Variants in WDR11 observed in about 807,000 individuals in gnomAD.
WDR11 encodes WD repeat-containing protein 11.
WDR11 carries 83 observed loss-of-function variants against 151.2 expected under a neutral mutation model. The observed-to-expected ratio is 0.55, with a 90% confidence interval of 0.46 to 0.66. WDR11 has a LOEUF of 0.66. Ranked by LOEUF, WDR11 falls within the 30% of genes least tolerant of loss-of-function variation. WDR11 has a pLI of 0.00. For missense variants in WDR11, 1,301 were observed against 1,480.9 expected (o/e 0.88, Z 1.99); for synonymous variants, 484 against 533.1 (o/e 0.91, Z 1.27).
In WDR11 at chr10:120,885,926, C is replaced by G. The variant is rs1282758688; in HGVS notation, c.1961C>G (p.Ser654Ter). 1 of 1,613,560 alleles carries G rather than the reference C, an allele frequency of 6.2e-7. No homozygotes were observed. Among genetic ancestry groups the G allele is most frequent in the Admixed American group, 1.7e-5 (1 of 59,998 alleles). Residue 654 changes from serine (S) to a stop codon, truncating the protein, a stop_gained, in exon 15 of 29, where the codon TCA (serine) becomes TGA (stop). Transcript: ENST00000263461. LOFTEE classifies it high-confidence loss of function. ...GACACAGAGCTGAGTATTGTTGAAT[C>G]ATCTGTGATCAGGTACAGTACAGTG... is the stretch of plus-strand genomic sequence containing the variant. ...VSDTELSIVE[S>*]SVISLLQEAE...
In WDR11 at chr10:120,862,828, A is replaced by G; in HGVS notation, c.620A>G (p.His207Arg). 1 of 1,613,992 alleles carries G rather than the reference A, an allele frequency of 6.2e-7. No individual in the cohort carries two copies. The highest frequency in any genetic ancestry group is 8.5e-7 in the Non-Finnish European group (1 of 1,179,966). The change falls in exon 5 of 29, where the codon CAC becomes CGC. Residue 207 changes from histidine (H) to arginine (R), a missense_variant. Transcript: ENST00000263461. ...AAAAAAGTTTACATATCCAGCCCAC[A>G]CTCTAGCCCAGCTCATAACAAGCTG... ...PGKKVYISSP[H>R]SSPAHNKLAT...
In WDR11 at chr10:120,905,958, C is replaced by G. The variant is rs1305648146; in HGVS notation, c.3374C>G (p.Ser1125Ter). ...HLCSPQVNQK[S>*]KALLVLLSLG... is the part of the protein sequence containing the mutation. ...TGTTCTCCACAAGTCAATCAGAAAT[C>G]AAAGGCTCTCCTGGTTCTCCTCTCT... The change falls in exon 27 of 29, where the codon TCA becomes TGA. Residue 1125 changes from serine to a stop codon, truncating the protein, a stop_gained. Transcript: ENST00000263461. LOFTEE classifies it high-confidence loss of function. The G allele has an allele frequency of 6.2e-7, 1 of 1,614,124 alleles. No individual in the cohort carries two copies. Among genetic ancestry groups the G allele is most frequent in the Admixed American group, 1.7e-5 (1 of 60,022 alleles).
chr10:120,878,212 G>A, intron 11 of WDR11, 141 bp from the exon 12 acceptor site: 1 of 650,820 alleles, frequency 1.5e-6, no homozygotes, highest in Non-Finnish European at 2.7e-6. Flanking sequence ...AAAAGGTCAT[G>A]TTAAGATAAA....
At chr10:120,881,683 A>T (rs989698476) in intron 13 of WDR11, among the ~76,000 whole-genome samples, 1 of 152,166 alleles carries the variant, frequency 6.6e-6, no homozygotes, top group African/African-American at 2.4e-5. Flanking sequence ...ATATTAAAAT[A>T]CAGTTAATTT....
intron 10 of WDR11, among the ~76,000 whole-genome samples, chr10:120,873,110 T>A (rs914247643): frequency 6.6e-6 from 1 of 152,328 alleles, no homozygotes; most frequent in Admixed American, 6.5e-5. Context: ...AGCTTTAGAA[T>A]AATACCTGTA....
At chr10:120,903,947 A>G in intron 23 of WDR11, 100 bp from the exon 24 acceptor site, 1 of 797,700 alleles carries the variant, frequency 1.3e-6, no homozygotes, top group South Asian at 1.6e-5. Context: ...CTGAAAAGTC[A>G]AAGTAGTTTA....
intron 12 of WDR11, chr10:120,880,386 G>A (rs540431742): frequency 1.2e-5 from 2 of 160,586 alleles, no homozygotes; most frequent in Non-Finnish European, 2.7e-5. Context: ...GGAACTGGGC[G>A]CCGTGGCTCA....
rs577265884 is a variant in WDR11, at chr10:120,889,287, G to T, written c.2228+103G>T. The T allele has an allele frequency of 8.1e-6, 7 of 866,862 alleles. No individual in the cohort carries two copies. The African/African-American group carries it at 1.0e-4, about 12-fold the overall frequency. 53.7% of individuals were successfully genotyped at this position (866,862 alleles called of 1,614,324 possible). On this transcript the variant is annotated intron_variant, in intron 17 of 28. Transcript: ENST00000263461. ...GTGTCTTGCTCTGTCGCCCAGGCTG[G>T]AGTGCAGTGGTGCAATCTCGGCTCA... is the stretch of plus-strand genomic sequence containing the variant.
Position 120,880,835 on chromosome 10 carries a change from T to C in WDR11, c.1673T>C (p.Ile558Thr). Residue 558 changes from isoleucine (I) to threonine (T), a missense_variant, in exon 13 of 29, where the codon ATT (isoleucine) becomes ACT (threonine). Physicochemically the swap from Ile to Thr is moderately conservative, Grantham distance 89. Transcript: ENST00000263461. ...QLVDLPTGRS[I>T]AFRGERGNDE... The stretch of plus-strand genomic sequence containing the variant: ...ATATTTGCAATTAAAGGTAGGAGCA[T>C]TGCTTTTCGTGGTGAAAGAGGCAAT... 1.9e-6 allele frequency: 3 copies of C among 1,603,938 alleles called. No homozygotes were observed. The highest frequency in any genetic ancestry group is 2.6e-6 in the Non-Finnish European group (3 of 1,173,542).
At chr10:120,908,408 G>T (rs1258730896) in intron 28 of WDR11, 148 bp from the exon 29 acceptor site, 1 of 798,268 alleles carries the variant, frequency 1.3e-6, no homozygotes, top group Admixed American at 1.9e-5. Flanking sequence ...AAAGTCTCCT[G>T]TGTTCATCCT....
At position 120,866,710 on chromosome 10, in the gene WDR11, G is replaced by A. The variant is rs770830577; in HGVS notation, c.1136G>A (p.Arg379Lys). 1.2e-6 allele frequency: 2 copies of A among 1,614,196 alleles called. No homozygotes were observed. Among genetic ancestry groups the A allele is most frequent in the Admixed American group, 3.3e-5 (2 of 60,024 alleles). ...NAAALVVSDGRVMIWELKSAV... is the reference protein window; with the variant it reads ...NAAALVVSDGKVMIWELKSAV... ...GCCGCCCTCGTAGTGAGTGATGGCA[G>A]GGTCATGATATGGGAACTCAAGTCT... Residue 379 changes from arginine to lysine, a missense_variant, in exon 8 of 29, where the codon AGG becomes AAG. Physicochemically the swap from Arg to Lys is conservative, Grantham distance 26. Coordinates refer to ENST00000263461, the MANE Select transcript of WDR11 (RefSeq NM_018117.12).
In WDR11 at chr10:120,862,873, A is replaced by G; in HGVS notation, c.665A>G (p.Lys222Arg). Reference protein sequence around the residue: ...HNKLATATGAKKALNKVKILI... With the variant: ...HNKLATATGARKALNKVKILI... ...AAGCTGGCCACAGCCACAGGTGCCA[A>G]GAAAGCTCTAAATAAAGTAAAAATT... The change falls in exon 5 of 29, where the codon AAG (lysine) becomes AGG (arginine). Residue 222 changes from lysine (K) to arginine (R), a missense_variant. Lys to Arg is a conservative substitution (Grantham distance 26). Around this residue, in one of 3 missense-constraint regions of WDR11, gnomAD observed 692 missense variants for 762.5 expected, o/e 0.91. Transcript: ENST00000263461. The G allele has an allele frequency of 6.2e-7, 1 of 1,614,128 alleles. No individual in the cohort carries two copies. The highest frequency in any genetic ancestry group is 8.5e-7 in the Non-Finnish European group (1 of 1,179,992).
chr10:120,855,236 A>G (rs906078690), intron 2 of WDR11, among the ~76,000 whole-genome samples: 2 of 152,222 alleles, frequency 1.3e-5, no homozygotes, highest in Non-Finnish European at 2.9e-5. Flanking sequence ...TCTGATAATC[A>G]GTATGGCTAC....
intron 9 of WDR11, chr10:120,868,677 C>G (rs2133750982): frequency 6.6e-6 from 1 of 152,100 alleles, no homozygotes; most frequent in East Asian, 1.9e-4. Context: ...AATGGAAGAG[C>G]CCAAGTGTGA....
Position 120,865,222 on chromosome 10 carries a change from A to G in WDR11, c.879+10A>G. On this transcript the variant is annotated intron_variant, in intron 6 of 28. Coordinates refer to ENST00000263461, the MANE Select transcript of WDR11 (RefSeq NM_018117.12). ...AGTTCCATTTTTACAGGTATCTACA[A>G]TTCATAAATTATATTCCCCAAAATT... 1.9e-6 allele frequency: 3 copies of G among 1,613,086 alleles called. 1 individual carries two copies. In the South Asian group the frequency reaches 3.3e-5, roughly 18 times the overall value.
intron 19 of WDR11, among the ~76,000 whole-genome samples, chr10:120,899,675 T>C (rs1847740279): frequency 6.6e-6 from 1 of 151,878 alleles, no homozygotes; most frequent in Non-Finnish European, 1.5e-5. Context: ...CCCAGTTACT[T>C]CGGAGGCTGA....
intron 19 of WDR11, among the ~76,000 whole-genome samples, chr10:120,893,266 T>C (rs1321407096): frequency 6.6e-6 from 1 of 151,634 alleles, no homozygotes; most frequent in Non-Finnish European, 1.5e-5. Flanking sequence ...CATGCGGTGT[T>C]TGGTTTTTTG....
chr10:120,906,122 G>C lies in WDR11; in HGVS notation c.3437+101G>C, dbSNP rs541252454. 4 of 1,600,112 alleles carry C rather than the reference G, an allele frequency of 2.5e-6. No individual in the cohort carries two copies. In the East Asian group the frequency reaches 9.0e-5, roughly 36 times the overall value. On this transcript the variant is annotated intron_variant, in intron 27 of 28. Coordinates refer to ENST00000263461, the MANE Select transcript of WDR11 (RefSeq NM_018117.12). ...GGTCATGGTACTCGATGTGTAAAGTGAAAGGAGAAGTATACATTTCAGGTT... is the reference window on the plus strand; with the variant it reads ...GGTCATGGTACTCGATGTGTAAAGTCAAAGGAGAAGTATACATTTCAGGTT...
intron 5 of WDR11, among the ~76,000 whole-genome samples, chr10:120,864,603 C>CAGATAG (rs1186327410): frequency 1.3e-5 from 2 of 152,234 alleles, no homozygotes; most frequent in East Asian, 3.9e-4. Context: ...CAAAGCCATA[C>CAGATAG]AGATAGTCCA....
Sources: gnomAD v4.1 joint callset for allele counts (sites outside exome capture counted in the v4.1 genomes callset) on GRCh38, gnomAD v4.1.1 for gene constraint, gnomAD v4.1.1 regional missense constraint, MANE v1.5 for transcripts, NCBI Gene and HGNC (gene_info 2026-07-23, HGNC 2026-07-21) for gene names.